CSMD3: variants seen among roughly 807,000 people sequenced by gnomAD.
The protein encoded by CSMD3 is CUB and Sushi multiple domains 3.
In CSMD3, 177 loss-of-function variants were observed where a neutral mutation model predicts 435.2. That is an observed-to-expected ratio of 0.41 (90% CI 0.36 to 0.46). The LOEUF is 0.46. Ranked by LOEUF, CSMD3 falls within the 20% of genes least tolerant of loss-of-function variation. The pLI, the probability that CSMD3 is intolerant of heterozygous loss-of-function variation, is 0.34. For missense variants in CSMD3, 4,265 were observed against 4,504.6 expected (o/e 0.95, Z 1.52); for synonymous variants, 1,656 against 1,520.5 (o/e 1.09, Z -2.07).
intron 3 of CSMD3, among the ~76,000 whole-genome samples, chr8:113,272,499 C>A (rs2093536588): frequency 6.6e-6 from 1 of 151,006 alleles, no homozygotes; most frequent in African/African-American, 2.4e-5. Context: ...CTCTTGCCAG[C>A]ACCATGTAAG....
chr8:113,069,317 C>G (rs1198692388), intron 5 of CSMD3, among the ~76,000 whole-genome samples: 1 of 152,080 alleles, frequency 6.6e-6, no homozygotes, highest in Non-Finnish European at 1.5e-5. Context: ...TTCTGGGTTC[C>G]ACTGTCTGCA....
intron 3 of CSMD3, among the ~76,000 whole-genome samples, chr8:113,214,109 T>C (rs1193868427): frequency 6.6e-6 from 1 of 152,014 alleles, no homozygotes; most frequent in Non-Finnish European, 1.5e-5. Flanking sequence ...CTGGAGAGGC[T>C]ACTACTTCAG....
At chr8:112,820,376 T>C (rs962905926) in intron 12 of CSMD3, among the ~76,000 whole-genome samples, 38 of 152,116 alleles carry the variant, frequency 2.5e-4, no homozygotes, top group African/African-American at 7.0e-4. Flanking sequence ...TTAAAATACA[T>C]AGAGGTTTTC....
At position 112,471,386 on chromosome 8, in the gene CSMD3, A is replaced by ATTTTTCTTTC. The variant is rs1226515793; in HGVS notation, c.5395+1195_5395+1204dup. Among the ~76,000 whole-genome samples, 5 of 152,170 alleles carry ATTTTTCTTTC rather than the reference A, an allele frequency of 3.3e-5. No individual in the cohort carries two copies. The East Asian group carries it at 9.6e-4, about 29-fold the overall frequency. On this transcript the variant is annotated intron_variant, in intron 32 of 70. Coordinates refer to ENST00000297405, the MANE Select transcript of CSMD3 (RefSeq NM_198123.2). ...AAATAAACACAGTTAAGTGAATGAT[A>ATTTTTCTTTC]TTTTTCTTTCTAAACTGTCGTTTTC...
At chr8:113,203,633 C>T (rs566885375) in intron 3 of CSMD3, among the ~76,000 whole-genome samples, 24 of 151,966 alleles carry the variant, frequency 1.6e-4, no homozygotes, top group African/African-American at 3.1e-4. Flanking sequence ...ACCACTGAAG[C>T]GTTTATAGTG....
intron 2 of CSMD3, among the ~76,000 whole-genome samples, chr8:113,289,745 A>G (rs1397887397): frequency 6.6e-6 from 1 of 151,782 alleles, no homozygotes; most frequent in Non-Finnish European, 1.5e-5. Context: ...ATTTCTTTAC[A>G]AGTACTCTAT....
At chr8:112,254,653 TG>T (rs1307507114) in intron 62 of CSMD3, among the ~76,000 whole-genome samples, 1 of 152,088 alleles carries the variant, frequency 6.6e-6, no homozygotes, top group Non-Finnish European at 1.5e-5. Context: ...ATATAACATT[TG>T]TCCAAAGACC....
At chr8:112,776,589 A>C (rs575199756) in intron 13 of CSMD3, among the ~76,000 whole-genome samples, 1 of 151,756 alleles carries the variant, frequency 6.6e-6, no homozygotes, top group South Asian at 2.1e-4. Flanking sequence ...TTAATCTTCT[A>C]TTTTCAGATC....
At position 112,222,982 on chromosome 8, in the gene CSMD3, C is replaced by T. The variant is rs1812287148; in HGVS notation, c.*1789G>A. 3 of 396,888 alleles carry T rather than the reference C, an allele frequency of 7.6e-6. No individual in the cohort carries two copies. The highest frequency in any genetic ancestry group is 4.4e-5 in the Admixed American group (1 of 22,638). The allele number at this position is 396,888 out of a possible 1,614,324, so 24.6% of individuals were successfully genotyped here. On this transcript the variant is annotated 3_prime_UTR_variant, in exon 71 of 71. Coordinates refer to ENST00000297405, the MANE Select transcript of CSMD3 (RefSeq NM_198123.2). ...TTGTTTACATTGCACTGAAAATTTA[C>T]ATCATACTTTTACAAAGTTTCTTTT...
rs201415005 is a variant in CSMD3 at position 112,899,658 on chromosome 8, T to TACAC, written c.1633+21968_1633+21969insGTGT. Among the ~76,000 whole-genome samples the TACAC allele has an allele frequency of 1.0e-3, 50 of 49,758 alleles. 1 individual carries two copies. The highest frequency in any genetic ancestry group is 3.5e-3 in the African/African-American group (45 of 13,014). The allele number at this position is 49,758 out of a possible 152,430, so 32.6% of individuals were successfully genotyped here. On this transcript the variant is annotated intron_variant, in intron 10 of 70. Coordinates refer to ENST00000297405, the MANE Select transcript of CSMD3 (RefSeq NM_198123.2). ...GTATATACATATATGTGTACGCAAA[T>TACAC]ACATACACACACACACACACACACA...
intron 12 of CSMD3, among the ~76,000 whole-genome samples, chr8:112,801,661 T>G (rs184061358): frequency 3.3e-5 from 5 of 152,166 alleles, no homozygotes; most frequent in Admixed American, 1.3e-4. Context: ...TTTTGGGGCA[T>G]GTGAACTTTC....
At chr8:113,015,032 A>G (rs2086401771) in intron 6 of CSMD3, among the ~76,000 whole-genome samples, 1 of 152,128 alleles carries the variant, frequency 6.6e-6, no homozygotes, top group African/African-American at 2.4e-5. Flanking sequence ...TTAATATACT[A>G]TGCTGCATCC....
At chr8:113,285,285 A>T (rs2093638076) in intron 2 of CSMD3, among the ~76,000 whole-genome samples, 1 of 133,818 alleles carries the variant, frequency 7.5e-6, no homozygotes, top group South Asian at 2.3e-4. Context: ...TTTTTGACAG[A>T]GTCTAGCTCT....
intron 5 of CSMD3, among the ~76,000 whole-genome samples, chr8:113,077,472 C>G (rs746035192): frequency 1.3e-5 from 2 of 152,014 alleles, no homozygotes; most frequent in Non-Finnish European, 2.9e-5. Flanking sequence ...GAGGCCGAAA[C>G]GGGTGGATCA....
At chr8:113,291,260 T>C (rs2093684527) in intron 2 of CSMD3, among the ~76,000 whole-genome samples, 1 of 151,784 alleles carries the variant, frequency 6.6e-6, no homozygotes. Context: ...TCTGCTATAA[T>C]ACATGTGACT....
intron 64 of CSMD3, among the ~76,000 whole-genome samples, chr8:112,246,793 A>G (rs1814773458): frequency 6.6e-6 from 1 of 152,164 alleles, no homozygotes; most frequent in Admixed American, 6.6e-5. Context: ...TAAGGTCTTT[A>G]CAAAAAGAAC....
chr8:112,621,159 T>C (rs1276713663), intron 22 of CSMD3, among the ~76,000 whole-genome samples: 2 of 152,034 alleles, frequency 1.3e-5, no homozygotes, highest in African/African-American at 4.8e-5. Context: ...CGCTTGAACC[T>C]GGGAGGTGGA....
intron 32 of CSMD3, among the ~76,000 whole-genome samples, chr8:112,451,055 AT>A (rs1162988171): frequency 1.3e-5 from 2 of 152,168 alleles, no homozygotes; most frequent in African/African-American, 4.8e-5. Context: ...GATGAAAAAA[AT>A]ATTATGGAAC....
intron 32 of CSMD3, among the ~76,000 whole-genome samples, chr8:112,444,094 A>G (rs563790643): frequency 1.7e-4 from 26 of 152,326 alleles, no homozygotes; most frequent in African/African-American, 5.8e-4. Context: ...GATTCACTCA[A>G]TTGAATTATT....
Sources: gnomAD v4.1 joint callset for allele counts (sites outside exome capture counted in the v4.1 genomes callset) on GRCh38, gnomAD v4.1.1 for gene constraint, MANE v1.5 for transcripts, NCBI Gene and HGNC (gene_info 2026-07-23, HGNC 2026-07-21) for gene names.